PLCB1: variants seen among roughly 807,000 people sequenced by gnomAD.
PLCB1 encodes phospholipase C beta 1.
PLCB1 carries 46 observed loss-of-function variants against 161.8 expected under a neutral mutation model. The observed-to-expected ratio is 0.28, with a 90% CI of 0.22 to 0.36. The LOEUF is 0.36. Ranked by LOEUF, PLCB1 falls within the 10% of genes least tolerant of loss-of-function variation. The pLI is 1.00. For synonymous variants in PLCB1, 517 were observed against 503.7 expected, an observed-to-expected ratio of 1.03 and a Z score of -0.35; for missense variants, 1,016 against 1,472.5, an observed-to-expected ratio of 0.69 and a Z score of 5.07.
chr20:8,574,828 AG>A (rs1156621913), intron 3 of PLCB1, among the ~76,000 whole-genome samples: 5 of 146,204 alleles, frequency 3.4e-5, no homozygotes, highest in African/African-American at 8.4e-5. Flanking sequence ...CCAGCCTGTT[AG>A]GCCTTAAGCA....
At chr20:8,744,785 C>G (rs1449705015) in intron 23 of PLCB1, among the ~76,000 whole-genome samples, 1 of 151,836 alleles carries the variant, frequency 6.6e-6, no homozygotes, top group Non-Finnish European at 1.5e-5. Context: ...TCTGTAATGA[C>G]TAGGGGAAAA....
At chr20:8,848,399 G>C (rs2876146) in intron 31 of PLCB1, among the ~76,000 whole-genome samples, 50,026 of 151,972 alleles carry the variant, frequency 0.33, 9,055 homozygotes, top group East Asian at 0.63. Flanking sequence ...CCTCCAGTCA[G>C]TTGATCTGTC....
At chr20:8,818,856 G>A (rs527424028) in intron 31 of PLCB1, among the ~76,000 whole-genome samples, 4 of 151,490 alleles carry the variant, frequency 2.6e-5, no homozygotes, top group South Asian at 4.2e-4. Context: ...CAGTAGAATC[G>A]CTTGAACCCA....
intron 2 of PLCB1, among the ~76,000 whole-genome samples, chr20:8,319,212 A>G (rs1425446860): frequency 1.3e-5 from 2 of 152,208 alleles, no homozygotes; most frequent in Admixed American, 6.5e-5. Flanking sequence ...ATAATGTTGC[A>G]TAACTAATTA....
At chr20:8,591,932 A>G (rs952205674) in intron 3 of PLCB1, among the ~76,000 whole-genome samples, 3 of 152,130 alleles carry the variant, frequency 2.0e-5, no homozygotes, top group Non-Finnish European at 4.4e-5. Context: ...TTGAATTTCA[A>G]ATGTTTTCAG....
At chr20:8,413,475 G>A (rs193150347) in intron 3 of PLCB1, among the ~76,000 whole-genome samples, 1 of 152,290 alleles carries the variant, frequency 6.6e-6, no homozygotes, top group East Asian at 1.9e-4. Flanking sequence ...ATCCGAATCT[G>A]CTTCCACCAG....
intron 11 of PLCB1, among the ~76,000 whole-genome samples, chr20:8,708,185 A>T (rs1053608649): frequency 1.3e-5 from 2 of 152,194 alleles, no homozygotes; most frequent in African/African-American, 4.8e-5. Flanking sequence ...ATCTCAAAAA[A>T]GTCACATCTC....
In PLCB1 at chr20:8,862,337, C is replaced by T. The variant is rs538755841; in HGVS notation, c.3424-19285C>T. ...CTATTCCATATGCTGCTGGATGAAGCGGAAAATGAATGTGTATCATCACTA... is the reference window on the plus strand; with the variant it reads ...CTATTCCATATGCTGCTGGATGAAGTGGAAAATGAATGTGTATCATCACTA... On this transcript the variant is annotated intron_variant, in intron 31 of 31. Coordinates refer to ENST00000338037, the MANE Select transcript of PLCB1 (RefSeq NM_015192.4). 4.1e-4 allele frequency among the ~76,000 whole-genome samples: 62 copies of T among 152,298 alleles called. 1 individual carries two copies. Among genetic ancestry groups the T allele is most frequent in the Admixed American group, 2.0e-3 (30 of 15,302 alleles).
chr20:8,207,567 A>G (rs913939329), intron 2 of PLCB1, among the ~76,000 whole-genome samples: 5 of 151,878 alleles, frequency 3.3e-5, no homozygotes, highest in Admixed American at 6.6e-5. Flanking sequence ...TTGTTCCTCT[A>G]TAATATTATT....
intron 31 of PLCB1, among the ~76,000 whole-genome samples, chr20:8,875,609 C>T (rs75726544): frequency 0.015 from 2,303 of 150,598 alleles, 64 homozygotes; most frequent in South Asian, 0.12. Flanking sequence ...GCAAAATGAC[C>T]TGAGTTGGAC....
intron 3 of PLCB1, among the ~76,000 whole-genome samples, chr20:8,563,422 T>C (rs986054416): frequency 2.0e-5 from 3 of 152,030 alleles, no homozygotes; most frequent in African/African-American, 7.2e-5. Context: ...CAACCTCCTC[T>C]TGGTGTGTTT....
intron 2 of PLCB1, among the ~76,000 whole-genome samples, chr20:8,252,502 A>G (rs1981200472): frequency 6.6e-6 from 1 of 152,030 alleles, no homozygotes; most frequent in Non-Finnish European, 1.5e-5. Flanking sequence ...TAAATTGGTA[A>G]TGCCTAATTC....
At chr20:8,159,469 C>T (rs1470995411) in intron 2 of PLCB1, among the ~76,000 whole-genome samples, 1 of 152,140 alleles carries the variant, frequency 6.6e-6, no homozygotes, top group Non-Finnish European at 1.5e-5. Flanking sequence ...ATCTGACATG[C>T]CCTGGAGCCA....
chr20:8,371,550 A>G, intron 3 of PLCB1, 100 bp downstream of exon 3: 1 of 778,082 alleles, frequency 1.3e-6, no homozygotes. Context: ...TCTATGTTAT[A>G]GATGTTGTAA....
At chr20:8,791,644 CT>C (rs375410403) in intron 31 of PLCB1, among the ~76,000 whole-genome samples, 3,078 of 143,426 alleles carry the variant, frequency 0.021, 109 homozygotes, top group African/African-American at 0.072. Context: ...TTTCATTTTG[CT>C]TTTTTTTTTC....
intron 2 of PLCB1, among the ~76,000 whole-genome samples, chr20:8,246,392 C>T (rs1270300958): frequency 6.6e-6 from 1 of 151,912 alleles, no homozygotes; most frequent in Non-Finnish European, 1.5e-5. Context: ...CGCTTATCCT[C>T]CAGCAGGCCT....
chr20:8,803,522 T>G (rs1984384746), intron 31 of PLCB1, among the ~76,000 whole-genome samples: 1 of 150,726 alleles, frequency 6.6e-6, no homozygotes. Flanking sequence ...TGGCTATGAA[T>G]TCTGTTCATG....
chr20:8,781,358 A>G (rs1040406624), intron 27 of PLCB1, among the ~76,000 whole-genome samples: 3 of 151,604 alleles, frequency 2.0e-5, no homozygotes, highest in South Asian at 2.1e-4. Flanking sequence ...ATTTTTGTCA[A>G]TTTTCCTGAT....
chr20:8,691,027 A>G (rs1990466131), intron 10 of PLCB1, among the ~76,000 whole-genome samples: 1 of 152,206 alleles, frequency 6.6e-6, no homozygotes, highest in Admixed American at 6.5e-5. Context: ...ATAATTAGAA[A>G]CAAAACTATA....
Sources: gnomAD v4.1 joint callset for allele counts (sites outside exome capture counted in the v4.1 genomes callset) on GRCh38, gnomAD v4.1.1 for gene constraint, MANE v1.5 for transcripts, NCBI Gene and HGNC (gene_info 2026-07-23, HGNC 2026-07-21) for gene names.